MYO10: variants seen among roughly 807,000 people sequenced by gnomAD.
The protein encoded by MYO10 is myosin X.
A neutral mutation model predicts 257.3 loss-of-function variants in MYO10; 133 were observed. The observed-to-expected ratio is 0.52, with a 90% CI of 0.45 to 0.60. MYO10 has a LOEUF of 0.60. MYO10 is among the 20% of genes least tolerant of loss of function. The probability of loss-of-function intolerance (pLI) is 0.00; values close to 1 mark genes in which losing one functional copy is unlikely to be tolerated. For missense variants in MYO10, 2,399 were observed against 2,635.7 expected (o/e 0.91, Z 1.97); for synonymous variants, 1,104 against 1,028.6 (o/e 1.07, Z -1.40).
intron 3 of MYO10, among the ~76,000 whole-genome samples, chr5:16,807,661 A>G (rs1460971090): frequency 6.6e-6 from 1 of 152,094 alleles, no homozygotes; most frequent in East Asian, 1.9e-4. Flanking sequence ...TGGATATTAA[A>G]TAACAATGCA....
intron 30 of MYO10, 49 bp downstream of exon 30, chr5:16,683,829 GAC>G: frequency 6.4e-7 from 1 of 1,551,658 alleles, no homozygotes; most frequent in Admixed American, 1.7e-5. Flanking sequence ...GACACCTGTG[GAC>G]ACACACAGGT....
chr5:16,703,414 T>G (rs1025305161), intron 22 of MYO10, among the ~76,000 whole-genome samples: 4 of 152,214 alleles, frequency 2.6e-5, no homozygotes, highest in African/African-American at 4.8e-5. Flanking sequence ...CCCCTCATGT[T>G]GGCTTTAAGT....
chr5:16,717,178 A>T (rs1229059855), intron 19 of MYO10, among the ~76,000 whole-genome samples: 1 of 152,236 alleles, frequency 6.6e-6, no homozygotes, highest in Non-Finnish European at 1.5e-5. Flanking sequence ...GAAGTTAAAA[A>T]GTAAGTCTCA....
At chr5:16,828,280 A>G (rs1165305649) in intron 2 of MYO10, among the ~76,000 whole-genome samples, 1 of 152,052 alleles carries the variant, frequency 6.6e-6, no homozygotes, top group Admixed American at 6.6e-5. Context: ...TGATTACATC[A>G]TGAAGATGAA....
intron 19 of MYO10, among the ~76,000 whole-genome samples, chr5:16,750,720 G>A (rs1217003846): frequency 6.6e-6 from 1 of 152,176 alleles, no homozygotes; most frequent in East Asian, 1.9e-4. Flanking sequence ...TTCTGACCAG[G>A]CTCAGTGGCT....
At chr5:16,909,074 A>T (rs1197486480) in intron 1 of MYO10, among the ~76,000 whole-genome samples, 4 of 152,248 alleles carry the variant, frequency 2.6e-5, no homozygotes, top group Non-Finnish European at 5.9e-5. Flanking sequence ...TAATTTATAA[A>T]GAAAAAGAGG....
chr5:16,701,457 G>A lies in MYO10; in HGVS notation c.2938C>T (p.Pro980Ser), dbSNP rs777361060. The A allele has an allele frequency of 6.2e-7, 1 of 1,613,930 alleles. No individual in the cohort carries two copies. Among genetic ancestry groups the A allele is most frequent in the Admixed American group, 1.7e-5 (1 of 60,026 alleles). Residue 980 changes from proline to serine, a missense_variant, in exon 25 of 41, where the codon CCC (proline) becomes TCC (serine). Around this residue, in one of 3 missense-constraint regions of MYO10, gnomAD observed 1,820 missense variants for 1,939.4 expected, o/e 0.94. Transcript: ENST00000513610. The surrounding 1 kb of genome is among the most constrained non-coding windows in gnomAD (Gnocchi z 8.1). ...ELAESACEEK[P>S]NFNFSQPYPE... ...TAGGGCTGGCTGAAGTTGAAGTTGG[G>A]CTTCTCCTCGCATGCGCTCTCAGCC... is the stretch of plus-strand genomic sequence containing the variant.
intron 2 of MYO10, among the ~76,000 whole-genome samples, chr5:16,872,899 G>A (rs1449974364): frequency 6.6e-6 from 1 of 152,112 alleles, no homozygotes; most frequent in East Asian, 1.9e-4. Context: ...CCCTTCCACA[G>A]CATATGGGAA....
intron 19 of MYO10, among the ~76,000 whole-genome samples, chr5:16,727,632 T>G (rs1739422624): frequency 6.6e-6 from 1 of 152,188 alleles, no homozygotes; most frequent in Non-Finnish European, 1.5e-5. Flanking sequence ...AGACAATGAT[T>G]CTCAAACAAC....
intron 28 of MYO10, among the ~76,000 whole-genome samples, chr5:16,687,093 G>C (rs1400251434): frequency 6.6e-6 from 1 of 152,006 alleles, no homozygotes; most frequent in African/African-American, 2.4e-5. Flanking sequence ...AGGCCAAGGT[G>C]GGAGGATGGC....
Position 16,663,736 on chromosome 5 carries a change from C to A in MYO10, c.*2956G>T, listed in dbSNP as rs565810523. On this transcript the variant is annotated 3_prime_UTR_variant, in exon 41 of 41. Coordinates refer to ENST00000513610, the MANE Select transcript of MYO10 (RefSeq NM_012334.3). ...ACAATGTTTAAAACACAGACACACA[C>A]GGTATAACAGCTATTTATGCAGCAT... 1.3e-5 allele frequency: 2 copies of A among 151,934 alleles called. No homozygotes were observed. Among genetic ancestry groups the A allele is most frequent in the African/African-American group, 4.8e-5 (2 of 41,332 alleles). 9.4% of individuals were successfully genotyped at this position (151,934 alleles called of 1,614,324 possible).
At chr5:16,886,918 C>T (rs181061517) in intron 1 of MYO10, among the ~76,000 whole-genome samples, 5 of 136,712 alleles carry the variant, frequency 3.7e-5, no homozygotes, top group African/African-American at 1.1e-4. Context: ...GGTGCCAGAG[C>T]GAGACTCCAT....
At chr5:16,742,873 CA>C (rs1410974589) in intron 19 of MYO10, among the ~76,000 whole-genome samples, 1 of 151,846 alleles carries the variant, frequency 6.6e-6, no homozygotes, top group Non-Finnish European at 1.5e-5. Context: ...GTAATCCCAG[CA>C]CTTTGGGAGG....
intron 2 of MYO10, among the ~76,000 whole-genome samples, chr5:16,868,420 C>A (rs1376723182): frequency 6.6e-6 from 1 of 152,194 alleles, no homozygotes; most frequent in Non-Finnish European, 1.5e-5. Context: ...CTGGCTAACA[C>A]GGTGAAACCC....
chr5:16,762,115 TAAAAAAAAAAA>T lies in MYO10; in HGVS notation c.1588-13_1588-3del, dbSNP rs746751894. On this transcript the variant is annotated splice_polypyrimidine_tract_variant and splice_region_variant and intron_variant, in intron 15 of 40. Coordinates refer to ENST00000513610, the MANE Select transcript of MYO10 (RefSeq NM_012334.3). ...GGGCTTCACATAAAAGTGGTTATTC[TAAAAAAAAAAA>T]AAAAAAAAAAAAAAAAAATACAATG... 2.8e-5 allele frequency: 16 copies of T among 567,518 alleles called. No individual in the cohort carries two copies. Among genetic ancestry groups the T allele is most frequent in the Admixed American group, 7.0e-5 (1 of 14,276 alleles). The allele number at this position is 567,518 out of a possible 1,614,324, so 35.2% of individuals were successfully genotyped here. A position where few individuals can be genotyped will look rare whatever the true frequency, so the allele number is the denominator to read the frequency against.
At chr5:16,798,884 C>T (rs1742041638) in intron 3 of MYO10, among the ~76,000 whole-genome samples, 1 of 152,054 alleles carries the variant, frequency 6.6e-6, no homozygotes, top group Non-Finnish European at 1.5e-5. Flanking sequence ...TCCTCTTCCT[C>T]AGTTGCAAGC....
intron 3 of MYO10, among the ~76,000 whole-genome samples, chr5:16,802,057 G>C (rs1056883947): frequency 1.3e-5 from 2 of 152,292 alleles, no homozygotes; most frequent in African/African-American, 2.4e-5. Flanking sequence ...GAGTCCACTT[G>C]TATGAGGTAT....
At chr5:16,714,297 G>GA (rs140281498) in intron 19 of MYO10, among the ~76,000 whole-genome samples, 4,175 of 147,426 alleles carry the variant, frequency 0.028, 143 homozygotes, top group African/African-American at 0.083. Flanking sequence ...TTCCCCACAG[G>GA]AAAAAAAAAA....
At chr5:16,729,243 T>G (rs1291606819) in intron 19 of MYO10, among the ~76,000 whole-genome samples, 1 of 152,214 alleles carries the variant, frequency 6.6e-6, no homozygotes, top group Non-Finnish European at 1.5e-5. Context: ...TCTCTTCCTA[T>G]AGTTTAACAT....
Sources: allele counts gnomAD v4.1 joint callset (sites outside exome capture counted in the v4.1 genomes callset), GRCh38; gene constraint gnomAD v4.1.1; regional missense constraint gnomAD v4.1.1; non-coding constraint Gnocchi (gnomAD v3.1); transcripts MANE v1.5; gene names NCBI Gene and HGNC (gene_info 2026-07-23, HGNC 2026-07-21).